FGFBP1: variants seen among roughly 807,000 people sequenced by gnomAD.
FGFBP1 encodes the protein fibroblast growth factor-binding protein 1.
In FGFBP1, 12 loss-of-function variants were observed where a neutral mutation model predicts 14.6. The observed-to-expected ratio is 0.82, with a 90% CI of 0.53 to 1.33. The LOEUF is 1.33. Ranked by LOEUF, FGFBP1 falls within the 40% of genes most tolerant of loss-of-function variation. The probability of loss-of-function intolerance (pLI) is 0.00; values close to 1 mark genes in which losing one functional copy is unlikely to be tolerated. For synonymous variants in FGFBP1, 117 were observed against 105.0 expected, an observed-to-expected ratio of 1.11 and a Z score of -0.70; for missense variants, 317 against 271.8, an observed-to-expected ratio of 1.17 and a Z score of -1.17.
Position 15,936,348 on chromosome 4 carries a change from GAC to G in FGFBP1, c.283_284del (p.Val95LeufsTer14), listed in dbSNP as rs1369931576. 6.2e-7 allele frequency: 1 copy of G among 1,614,100 alleles called. No homozygotes were observed. Among genetic ancestry groups the G allele is most frequent in the African/African-American group, 1.3e-5 (1 of 74,934 alleles). On this transcript the variant is annotated frameshift_variant, in exon 3 of 3. Transcript: ENST00000382333. LOFTEE classifies it high-confidence loss of function. ...CTQLDHEFSC[V>X]FAGNPTSCLK... is the part of the protein sequence containing the mutation. ...GGCATGAGGTTGGATTGCCAGCAAA[GAC>G]ACAGGAAAATTCATGGTCCAATTGA...
chr4:15,938,070 A>G (rs1712537762), intron 2 of FGFBP1, among the ~76,000 whole-genome samples, 181 bp downstream of exon 2: 2 of 152,228 alleles, frequency 1.3e-5, no homozygotes, highest in Non-Finnish European at 2.9e-5. Context: ...AGGGCAGAGA[A>G]CAGCAATAAA....
Position 15,936,398 on chromosome 4 carries a change from T to G in FGFBP1, c.235A>C (p.Ile79Leu), listed in dbSNP as rs762271570. The change falls in exon 3 of 3, where the codon ATC becomes CTC. Residue 79 changes from isoleucine (I) to leucine (L), a missense_variant. Physicochemically the swap from Ile to Leu is conservative, Grantham distance 5. Transcript: ENST00000382333. ...TGAGTGCACTCAACCTTGAGAGAGA[T>G]GCCCTCCTCCTGCTCAGTAGCAGCC... ...RWAATEQEEGISLKVECTQLD... is the reference protein window; with the variant it reads ...RWAATEQEEGLSLKVECTQLD... The G allele has an allele frequency of 1.9e-6, 3 of 1,614,216 alleles. No individual in the cohort carries two copies. The highest frequency in any genetic ancestry group is 1.1e-5 in the South Asian group (1 of 91,088).
Position 15,935,787 on chromosome 4 carries a change from A to T in FGFBP1, c.*141T>A, listed in dbSNP as rs1712460261. The T allele has an allele frequency of 5.1e-6, 3 of 589,540 alleles. No individual in the cohort carries two copies. Among genetic ancestry groups the T allele is most frequent in the Non-Finnish European group, 8.7e-6 (3 of 345,210 alleles). 36.5% of individuals were successfully genotyped at this position (589,540 alleles called of 1,614,324 possible). A position where few individuals can be genotyped will look rare whatever the true frequency, so the allele number is the denominator to read the frequency against. The stretch of plus-strand genomic sequence containing the variant: ...AAATTCCAAAACACAAAAGCAAAAA[A>T]TACAAAACTTGTTTAAATATTTCGT... On this transcript the variant is annotated 3_prime_UTR_variant, in exon 3 of 3. Coordinates refer to ENST00000382333, the MANE Select transcript of FGFBP1 (RefSeq NM_005130.5).
In FGFBP1 at chr4:15,935,718, T is replaced by C. The variant is rs1296159318; in HGVS notation, c.*210A>G. The stretch of plus-strand genomic sequence containing the variant: ...CTGTGTGGGCCATGGAAATACATGC[T>C]GCAGGAAACAGCCTCTGAACATCGC... On this transcript the variant is annotated 3_prime_UTR_variant, in exon 3 of 3. Transcript: ENST00000382333. 4.4e-6 allele frequency: 2 copies of C among 452,388 alleles called. No homozygotes were observed. Among genetic ancestry groups the C allele is most frequent in the African/African-American group, 3.9e-5 (2 of 50,816 alleles). 28.0% of individuals were successfully genotyped at this position (452,388 alleles called of 1,614,324 possible).
chr4:15,936,769 CG>C, intron 2 of FGFBP1, 117 bp from the exon 3 acceptor site: 4 of 624,918 alleles, frequency 6.4e-6, no homozygotes, highest in South Asian at 6.2e-5. Context: ...AGACCAAGAA[CG>C]CTTCTGGCTC....
At position 15,936,280 on chromosome 4, in the gene FGFBP1, C is replaced by T. The variant is rs199528852; in HGVS notation, c.353G>A (p.Arg118Gln). ...GATGTCTTTCTGTGAGCGCAGATTC[C>T]GGGCAACTTGTTTCCAATAGACTCT... ...DERVYWKQVA[R>Q]NLRSQKDICR... The change falls in exon 3 of 3, where the codon CGG (arginine) becomes CAG (glutamine). Residue 118 changes from arginine (R) to glutamine (Q), a missense_variant. Transcript: ENST00000382333. The T allele has an allele frequency of 5.0e-5, 80 of 1,614,028 alleles. No individual in the cohort carries two copies. Among genetic ancestry groups the T allele is most frequent in the South Asian group, 3.6e-4 (33 of 91,084 alleles).
At position 15,936,301 on chromosome 4, in the gene FGFBP1, A is replaced by T; in HGVS notation, c.332T>A (p.Val111Asp). Residue 111 changes from valine to aspartate, a missense_variant, in exon 3 of 3, where the codon GTC (valine) becomes GAC (aspartate). Val to Asp is a radical substitution (Grantham distance 152, BLOSUM62 -3). Transcript: ENST00000382333. ...ATTCCGGGCAACTTGTTTCCAATAG[A>T]CTCTCTCATCCTTGAGCTTTAGGCA... ...TSCLKLKDER[V>D]YWKQVARNLR... 2 of 1,613,924 alleles carry T rather than the reference A, an allele frequency of 1.2e-6. No homozygotes were observed. The highest frequency in any genetic ancestry group is 1.3e-5 in the African/African-American group (1 of 74,922).
Position 15,936,588 on chromosome 4 carries a change from A to G in FGFBP1, c.45T>C (p.Ala15=). 1 of 1,613,032 alleles carries G rather than the reference A, an allele frequency of 6.2e-7. No individual in the cohort carries two copies. The highest frequency in any genetic ancestry group is 8.5e-7 in the Non-Finnish European group (1 of 1,179,970). ...TCCCCTCCACCAGGAGCACCTGAGC[A>G]GCCAGTAGGAGGAAGGAGAGCAGGG... is the stretch of plus-strand genomic sequence containing the variant. ...SLTLLSFLLL[A]AQVLLVEGKK... is the part of the protein sequence containing the mutation. The change falls in exon 3 of 3, where the codon GCT becomes GCC. Residue 15 remains alanine, a synonymous_variant. Transcript: ENST00000382333.
At chr4:15,936,686 G>T in intron 2 of FGFBP1, 34 bp from the exon 3 acceptor site, 2 of 1,364,382 alleles carry the variant, frequency 1.5e-6, no homozygotes, top group Middle Eastern at 2.6e-4. Flanking sequence ...TCAGTGGCAG[G>T]CAGCAGTTCA....
At position 15,936,203 on chromosome 4, in the gene FGFBP1, G is replaced by A; in HGVS notation, c.430C>T (p.Pro144Ser). 1 of 1,614,164 alleles carries A rather than the reference G, an allele frequency of 6.2e-7. No homozygotes were observed. The highest frequency in any genetic ancestry group is 8.5e-7 in the Non-Finnish European group (1 of 1,180,030). Residue 144 changes from proline to serine, a missense_variant, in exon 3 of 3, where the codon CCA (proline) becomes TCA (serine). Transcript: ENST00000382333. ...CTGACTAGCTTAAGACTGGATTCTG[G>A]AAAATCCTTTCTGCACACTCTGGTT... ...VKTRVCRKDF[P>S]ESSLKLVSST...
chr4:15,937,567 T>A (rs1209708044), intron 2 of FGFBP1, among the ~76,000 whole-genome samples: 1 of 152,156 alleles, frequency 6.6e-6, no homozygotes, highest in East Asian at 1.9e-4. Flanking sequence ...AGAAGAGAAG[T>A]CAGTTTCTAT....
At position 15,936,151 on chromosome 4, in the gene FGFBP1, G is replaced by T; in HGVS notation, c.482C>A (p.Pro161His). The T allele has an allele frequency of 6.2e-7, 1 of 1,613,978 alleles. No homozygotes were observed. Among genetic ancestry groups the T allele is most frequent in the Non-Finnish European group, 8.5e-7 (1 of 1,179,950 alleles). Residue 161 changes from proline (P) to histidine (H), a missense_variant, in exon 3 of 3, where the codon CCC becomes CAC. By Grantham distance (77) the Pro-to-His change is moderately conservative. Coordinates refer to ENST00000382333, the MANE Select transcript of FGFBP1 (RefSeq NM_005130.5). ...GGACATCTCTGTTTTCTCCTTCCTG[G>T]GCTTTGTGTTCCCAAATAGAGTGGA... ...VSSTLFGNTK[P>H]RKEKTEMSPR...
At position 15,935,744 on chromosome 4, in the gene FGFBP1, A is replaced by G. The variant is rs1226868236; in HGVS notation, c.*184T>C. ...GCAGGAAACAGCCTCTGAACATCGC[A>G]TCCAAGAAAAATAAGGCAAATTCCA... is the stretch of plus-strand genomic sequence containing the variant. On this transcript the variant is annotated 3_prime_UTR_variant, in exon 3 of 3. Coordinates refer to ENST00000382333, the MANE Select transcript of FGFBP1 (RefSeq NM_005130.5). The G allele has an allele frequency of 2.0e-6, 1 of 495,932 alleles. No individual in the cohort carries two copies. Among genetic ancestry groups the G allele is most frequent in the Non-Finnish European group, 3.5e-6 (1 of 283,452 alleles). 30.7% of individuals were successfully genotyped at this position (495,932 alleles called of 1,614,324 possible).
At chr4:15,938,504 T>G (rs532800877) in intron 1 of FGFBP1, 33 bp from the exon 2 acceptor site, 12 of 152,602 alleles carry the variant, frequency 7.9e-5, no homozygotes, top group Admixed American at 2.6e-4. Flanking sequence ...GGGGGTTACC[T>G]GCATGCCATC....
In FGFBP1 at chr4:15,935,939, T is replaced by A. The variant is rs61729364; in HGVS notation, c.694A>T (p.Thr232Ser). ...CTCTTTTGACCTCATTAGCATGACG[T>A]GTCCTGCACTATGCTGAGGAAGAAT... ...CTFFLSIVQD[T>S]SC The change falls in exon 3 of 3, where the codon ACG becomes TCG. Residue 232 changes from threonine (T) to serine (S), a missense_variant. Transcript: ENST00000382333. The A allele has an allele frequency of 8.2e-4, 1,303 of 1,593,062 alleles. 7 individuals are homozygous for A. In the African/African-American group the frequency reaches 0.015, roughly 18 times the overall value.
Position 15,936,604 on chromosome 4 carries a change from G to A in FGFBP1, c.29C>T (p.Ser10Phe), listed in dbSNP as rs1560344090. 2 of 1,612,040 alleles carry A rather than the reference G, an allele frequency of 1.2e-6. No individual in the cohort carries two copies. The highest frequency in any genetic ancestry group is 1.7e-5 in the Admixed American group (1 of 60,010). MKICSLTLL[S>F]FLLLAAQVLL... ...CACCTGAGCAGCCAGTAGGAGGAAG[G>A]AGAGCAGGGTGAGGCTACAGATCTT... Residue 10 changes from serine (S) to phenylalanine (F), a missense_variant, in exon 3 of 3, where the codon TCC (serine) becomes TTC (phenylalanine). By Grantham distance (155) the Ser-to-Phe change is radical. Coordinates refer to ENST00000382333, the MANE Select transcript of FGFBP1 (RefSeq NM_005130.5).
Position 15,936,557 on chromosome 4 carries a change from T to C in FGFBP1, c.76A>G (p.Lys26Glu). The C allele has an allele frequency of 6.2e-7, 1 of 1,613,900 alleles. No homozygotes were observed. ...TTGCTGTGAAGTCCATTCTTCACTT[T>C]TTTTTTCCCCTCCACCAGGAGCACC... ...AQVLLVEGKK[K>E]VKNGLHSKVV... Residue 26 changes from lysine to glutamate, a missense_variant, in exon 3 of 3, where the codon AAA becomes GAA. Physicochemically the swap from Lys to Glu is moderately conservative, Grantham distance 56 (BLOSUM62 1). Transcript: ENST00000382333.
At position 15,935,794 on chromosome 4, in the gene FGFBP1, A is replaced by T; in HGVS notation, c.*134T>A. 1.7e-6 allele frequency: 1 copy of T among 595,092 alleles called. No homozygotes were observed. Among genetic ancestry groups the T allele is most frequent in the Non-Finnish European group, 2.9e-6 (1 of 349,988 alleles). 36.9% of individuals were successfully genotyped at this position (595,092 alleles called of 1,614,324 possible). On this transcript the variant is annotated 3_prime_UTR_variant, in exon 3 of 3. Transcript: ENST00000382333. ...AAAACACAAAAGCAAAAAATACAAAACTTGTTTAAATATTTCGTTGCACTC... is the reference window on the plus strand; with the variant it reads ...AAAACACAAAAGCAAAAAATACAAATCTTGTTTAAATATTTCGTTGCACTC...
rs747551241 is a variant in FGFBP1, at chr4:15,935,909, C to A, written c.*19G>T. 75 of 1,497,892 alleles carry A rather than the reference C, an allele frequency of 5.0e-5. No homozygotes were observed. The highest frequency in any genetic ancestry group is 6.5e-5 in the Non-Finnish European group (72 of 1,100,862). 92.8% of individuals were successfully genotyped at this position (1,497,892 alleles called of 1,614,324 possible). ...ACGACATGACATCTCTTAAGGGAACCCGTTCTCTTTTGACCTCATTAGCAT... is the reference window on the plus strand; with the variant it reads ...ACGACATGACATCTCTTAAGGGAACACGTTCTCTTTTGACCTCATTAGCAT... On this transcript the variant is annotated 3_prime_UTR_variant, in exon 3 of 3. Coordinates refer to ENST00000382333, the MANE Select transcript of FGFBP1 (RefSeq NM_005130.5).
Sources: gnomAD v4.1 joint callset for allele counts (sites outside exome capture counted in the v4.1 genomes callset) on GRCh38, gnomAD v4.1.1 for gene constraint, MANE v1.5 for transcripts, NCBI Gene and HGNC (gene_info 2026-07-23, HGNC 2026-07-21) for gene names.